CARMIL1: variants seen among roughly 807,000 people sequenced by gnomAD.
CARMIL1 encodes F-actin-uncapping protein LRRC16A.
Under a neutral mutation model 177.1 loss-of-function variants are expected in CARMIL1, and 90 were observed. The ratio of observed to expected loss-of-function variants is 0.51; its 90% confidence interval spans 0.43 to 0.61. CARMIL1 has a LOEUF of 0.61. CARMIL1 is among the 20% of genes least tolerant of loss of function. The pLI is 0.00. For missense variants in CARMIL1, 1,380 were observed against 1,667.0 expected, an observed-to-expected ratio of 0.83 and a Z score of 3.00; for synonymous variants, 577 against 606.2, an observed-to-expected ratio of 0.95 and a Z score of 0.71.
chr6:25,471,517 A>T (rs1452345391), intron 10 of CARMIL1, among the ~76,000 whole-genome samples: 1 of 152,178 alleles, frequency 6.6e-6, no homozygotes, highest in Non-Finnish European at 1.5e-5. Context: ...CTTGAGCCAG[A>T]TGTCTCCTGG....
intron 9 of CARMIL1, 36 bp from the exon 10 acceptor site, chr6:25,471,133 A>G (rs765818848): frequency 1.3e-5 from 17 of 1,355,492 alleles, no homozygotes; most frequent in Non-Finnish European, 1.7e-5. Flanking sequence ...TCTTCTTTAG[A>G]GTTATGGAAT....
rs1436855696 is a variant in CARMIL1, at chr6:25,279,855, T to G, written c.40+20T>G. ...TGATAGGTAAGATTCACGCGGTTGT[T>G]GGTTTTCCACCTTCCTCTGCGTACT... On this transcript the variant is annotated intron_variant, in intron 1 of 36. Coordinates refer to ENST00000329474, the MANE Select transcript of CARMIL1 (RefSeq NM_017640.6). The G allele has an allele frequency of 1.9e-6, 3 of 1,613,648 alleles. No individual in the cohort carries two copies. Among genetic ancestry groups the G allele is most frequent in the Non-Finnish European group, 2.5e-6 (3 of 1,179,602 alleles).
At chr6:25,373,622 C>T (rs1473733945) in intron 2 of CARMIL1, among the ~76,000 whole-genome samples, 1 of 147,506 alleles carries the variant, frequency 6.8e-6, no homozygotes, top group Non-Finnish European at 1.5e-5. Flanking sequence ...CTCGCTTTAT[C>T]ACCAGGCTGA....
At chr6:25,587,649 A>G (rs1177792575) in intron 31 of CARMIL1, among the ~76,000 whole-genome samples, 1 of 152,190 alleles carries the variant, frequency 6.6e-6, no homozygotes, top group Non-Finnish European at 1.5e-5. Context: ...GGAAGAGAAA[A>G]AAATTCCTGG....
At chr6:25,503,243 TGTA>T (rs776289757) in intron 17 of CARMIL1, among the ~76,000 whole-genome samples, 8 of 152,214 alleles carry the variant, frequency 5.3e-5, no homozygotes, top group Admixed American at 2.0e-4. Context: ...TTGAAAGTAT[TGTA>T]GTACCATGTT....
chr6:25,369,388 T>G (rs1790186219), intron 2 of CARMIL1, among the ~76,000 whole-genome samples: 1 of 151,712 alleles, frequency 6.6e-6, no homozygotes, highest in Non-Finnish European at 1.5e-5. Context: ...TGTTTTTTTT[T>G]TTTTTTTTTA....
intron 2 of CARMIL1, among the ~76,000 whole-genome samples, chr6:25,290,480 T>C (rs1324553498): frequency 6.6e-6 from 1 of 151,698 alleles, no homozygotes; most frequent in African/African-American, 2.4e-5. Context: ...GTTGCCTGTT[T>C]GGGGGAGAGG....
At chr6:25,502,819 C>T (rs1294556032) in intron 17 of CARMIL1, among the ~76,000 whole-genome samples, 7 of 152,298 alleles carry the variant, frequency 4.6e-5, no homozygotes, top group African/African-American at 1.4e-4. Context: ...ACTCTGTCCT[C>T]ATTCTCTTTT....
intron 5 of CARMIL1, among the ~76,000 whole-genome samples, chr6:25,436,989 G>A (rs1288419885): frequency 6.6e-6 from 1 of 152,074 alleles, no homozygotes; most frequent in Non-Finnish European, 1.5e-5. Context: ...GTGGGTGGTT[G>A]GATGAGGTAA....
intron 2 of CARMIL1, among the ~76,000 whole-genome samples, chr6:25,355,975 C>T (rs935106352): frequency 2.6e-5 from 4 of 152,022 alleles, no homozygotes; most frequent in Non-Finnish European, 5.9e-5. Context: ...TACTTACACT[C>T]CTCCTGCAAA....
chr6:25,387,346 G>C (rs1792286624), intron 2 of CARMIL1, among the ~76,000 whole-genome samples: 1 of 152,184 alleles, frequency 6.6e-6, no homozygotes, highest in African/African-American at 2.4e-5. Context: ...TAGTTCCCCA[G>C]ATAATAGGCT....
chr6:25,487,773 A>G (rs1802809253), intron 12 of CARMIL1, among the ~76,000 whole-genome samples: 2 of 152,304 alleles, frequency 1.3e-5, no homozygotes, highest in East Asian at 1.9e-4. Flanking sequence ...ACCCACCTAT[A>G]AGAGAACTTA....
chr6:25,465,952 A>G lies in CARMIL1; in HGVS notation c.690+4A>G. The G allele has an allele frequency of 6.3e-7, 1 of 1,599,678 alleles. No individual in the cohort carries two copies. Reference sequence around the variant, plus strand: ...GTCCTCTAAGGATCTAAAACTGGTAAGTAATCAAACATGCAGCAAATGTTG... The same window carrying G: ...GTCCTCTAAGGATCTAAAACTGGTAGGTAATCAAACATGCAGCAAATGTTG... On this transcript the variant is annotated splice_donor_region_variant and intron_variant, in intron 9 of 36. Coordinates refer to ENST00000329474, the MANE Select transcript of CARMIL1 (RefSeq NM_017640.6).
At chr6:25,446,921 C>A (rs1798291504) in intron 5 of CARMIL1, among the ~76,000 whole-genome samples, 5 of 152,160 alleles carry the variant, frequency 3.3e-5, no homozygotes, top group Admixed American at 2.0e-4. Context: ...GTCAGTGGAG[C>A]AGTGAGATCA....
At chr6:25,573,424 T>G (rs1050459254) in intron 29 of CARMIL1, among the ~76,000 whole-genome samples, 34 of 152,042 alleles carry the variant, frequency 2.2e-4, no homozygotes, top group African/African-American at 6.0e-4. Flanking sequence ...CTAAACTCAT[T>G]TTTAAAAGTA....
intron 8 of CARMIL1, chr6:25,452,107 G>C (rs777262541): frequency 7.9e-6 from 6 of 758,540 alleles, no homozygotes; most frequent in Non-Finnish European, 1.2e-5. Context: ...CAGGGAAAAA[G>C]TATACTAGCT....
chr6:25,453,886 T>A (rs1799237102), intron 8 of CARMIL1, among the ~76,000 whole-genome samples: 1 of 152,156 alleles, frequency 6.6e-6, no homozygotes. Flanking sequence ...GGACTTACTT[T>A]ATTATGCCAT....
At chr6:25,432,518 A>G (rs552656878) in intron 4 of CARMIL1, among the ~76,000 whole-genome samples, 1 of 152,288 alleles carries the variant, frequency 6.6e-6, no homozygotes, top group South Asian at 2.1e-4. Flanking sequence ...ACCAGTCTCT[A>G]TGCCACATTG....
intron 33 of CARMIL1, among the ~76,000 whole-genome samples, chr6:25,602,387 C>T (rs886346606): frequency 2.0e-5 from 3 of 152,080 alleles, no homozygotes; most frequent in South Asian, 2.1e-4. Context: ...AATGAATGTG[C>T]GGTTTTGATT....
Sources: gnomAD v4.1 joint callset for allele counts (sites outside exome capture counted in the v4.1 genomes callset) on GRCh38, gnomAD v4.1.1 for gene constraint, MANE v1.5 for transcripts, NCBI Gene and HGNC (gene_info 2026-07-23, HGNC 2026-07-21) for gene names.